The following CCDC88A variants were observed in gnomAD, a reference collection of about 807,000 sequenced individuals.
CCDC88A encodes girdin.
CCDC88A carries 54 observed loss-of-function variants against 234.3 expected under a neutral mutation model. The observed-to-expected ratio is 0.23, with a 90% CI of 0.19 to 0.29. CCDC88A has a LOEUF of 0.29. Among genes scored for constraint, CCDC88A ranks in the 10% least tolerant of loss-of-function variants. CCDC88A has a pLI of 1.00. For missense variants in CCDC88A, 1,832 were observed against 2,123.4 expected (o/e 0.86, Z 2.70); for synonymous variants, 753 against 737.8 (o/e 1.02, Z -0.33).
chr2:55,367,548 G>T (rs1672203866), intron 5 of CCDC88A, among the ~76,000 whole-genome samples: 2 of 12,692 alleles, frequency 1.6e-4, no homozygotes, highest in African/African-American at 4.0e-3. Context: ...AAGAGACTGG[G>T]TCTTGCTACG....
rs1685023001 is a variant in CCDC88A, at chr2:55,332,387, G to A, written c.2855+179C>T. ...TCCGCCCGCTTCAGCCTCCCAAAGT[G>A]CTGGGATTATAGGTGTGAGCCACCG... On this transcript the variant is annotated intron_variant, in intron 16 of 32. Coordinates refer to ENST00000436346, the MANE Select transcript of CCDC88A (RefSeq NM_001365480.1). The surrounding 1 kb of genome is among the most constrained non-coding windows in gnomAD (Gnocchi z 4.5). 3 of 1,093,602 alleles carry A rather than the reference G, an allele frequency of 2.7e-6. No individual in the cohort carries two copies. Among genetic ancestry groups the A allele is most frequent in the Non-Finnish European group, 3.5e-6 (3 of 863,324 alleles). The allele number at this position is 1,093,602 out of a possible 1,614,324, so 67.7% of individuals were successfully genotyped here.
At chr2:55,410,629 A>C (rs913612953) in intron 2 of CCDC88A, among the ~76,000 whole-genome samples, 8 of 152,200 alleles carry the variant, frequency 5.3e-5, no homozygotes, top group African/African-American at 1.9e-4. Context: ...TCACGCCTCT[A>C]ATCTCTGCAC....
chr2:55,334,318 C>T lies in CCDC88A; in HGVS notation c.2503G>A (p.Glu835Lys). 1 of 1,486,830 alleles carries T rather than the reference C, an allele frequency of 6.7e-7. No homozygotes were observed. The highest frequency in any genetic ancestry group is 8.9e-7 in the Non-Finnish European group (1 of 1,123,366). The allele number at this position is 1,486,830 out of a possible 1,614,324, so 92.1% of individuals were successfully genotyped here. A position where few individuals can be genotyped will look rare whatever the true frequency, so the allele number is the denominator to read the frequency against. Reference sequence around the variant, plus strand: ...TGTCGGAGTCTCTTATTTTCCTTCTCCAATTGTTTCTTATCCTTTTCCAGT... The same window carrying T: ...TGTCGGAGTCTCTTATTTTCCTTCTTCAATTGTTTCTTATCCTTTTCCAGT... ...SQLEKDKKQLEKENKRLRQQA... is the reference protein window; with the variant it reads ...SQLEKDKKQLKKENKRLRQQA... Residue 835 changes from glutamate (E) to lysine (K), a missense_variant, in exon 15 of 33, where the codon GAG becomes AAG. Transcript: ENST00000436346. This position sits in a 1 kb window ranked among gnomAD's most constrained non-coding sequence, Gnocchi z 6.1.
At chr2:55,417,467 A>T (rs1681685298) in intron 2 of CCDC88A, 1 of 152,064 alleles carries the variant, frequency 6.6e-6, no homozygotes, top group Non-Finnish European at 1.5e-5. Context: ...TATTTTGAGG[A>T]TAAAAAATAA....
intron 2 of CCDC88A, among the ~76,000 whole-genome samples, chr2:55,391,358 C>T: frequency 9.3e-6 from 1 of 107,608 alleles, no homozygotes; most frequent in African/African-American, 2.7e-5. Context: ...CCAGACACTC[C>T]AAAATATAAT....
At chr2:55,374,756 C>T (rs868028369) in intron 4 of CCDC88A, 58 bp downstream of exon 4, 2 of 1,032,254 alleles carry the variant, frequency 1.9e-6, no homozygotes, top group South Asian at 1.5e-5. Context: ...AAAAAATAAA[C>T]ATCATAGTAT....
chr2:55,308,812 T>C lies in CCDC88A; in HGVS notation c.4384A>G (p.Ser1462Gly). The C allele has an allele frequency of 6.2e-7, 1 of 1,612,602 alleles. No individual in the cohort carries two copies. The highest frequency in any genetic ancestry group is 1.3e-5 in the African/African-American group (1 of 75,040). ...TTTAAAGAGTTTAAGCACTCACTGC[T>C]GCTTTTCTTGGTCCCCAAGGTCTGG... is the stretch of plus-strand genomic sequence containing the variant. Reference protein sequence around the residue: ...DGQTLGTKKSSMVALKRLPFL... With the variant: ...DGQTLGTKKSGMVALKRLPFL... The change falls in exon 25 of 33, where the codon AGC becomes GGC. Residue 1462 changes from serine to glycine, a missense_variant. This residue lies in a region of CCDC88A where 1,282 missense variants were observed against 1,543.6 expected (regional missense o/e 0.83). Coordinates refer to ENST00000436346, the MANE Select transcript of CCDC88A (RefSeq NM_001365480.1).
At chr2:55,411,168 T>A (rs1015921210) in intron 2 of CCDC88A, among the ~76,000 whole-genome samples, 4 of 152,160 alleles carry the variant, frequency 2.6e-5, no homozygotes, top group African/African-American at 9.7e-5. Context: ...TTTCTGAATA[T>A]TGAAAACTTA....
intron 3 of CCDC88A, among the ~76,000 whole-genome samples, chr2:55,383,822 G>C (rs1358873883): frequency 6.6e-6 from 1 of 151,986 alleles, no homozygotes; most frequent in African/African-American, 2.4e-5. Flanking sequence ...AACTTGCAAT[G>C]TGTCATATAT....
chr2:55,343,784 A>C lies in CCDC88A; in HGVS notation c.1197T>G (p.Asp399Glu), dbSNP rs375843789. ...ATTCTTCAATCTTTTTTCTATCCAT[A>C]TCTCGTTCCTTTTTTATTGGCAAGG... The part of the protein sequence containing the change: ...AKLHDMEMER[D>E]MDRKKIEELM... The change falls in exon 12 of 33, where the codon GAT becomes GAG. Residue 399 changes from aspartate (D) to glutamate (E), a missense_variant. This residue lies in a region of CCDC88A where 1,282 missense variants were observed against 1,543.6 expected (regional missense o/e 0.83). Coordinates refer to ENST00000436346, the MANE Select transcript of CCDC88A (RefSeq NM_001365480.1). 6.2e-7 allele frequency: 1 copy of C among 1,606,292 alleles called. No individual in the cohort carries two copies. The highest frequency in any genetic ancestry group is 1.1e-5 in the South Asian group (1 of 89,148).
At chr2:55,394,457 T>C (rs1171951603) in intron 2 of CCDC88A, 1 of 152,114 alleles carries the variant, frequency 6.6e-6, no homozygotes. Flanking sequence ...AGTAATGGGA[T>C]AGCTGGGTCA....
chr2:55,365,386 T>C (rs1292551863), intron 5 of CCDC88A, among the ~76,000 whole-genome samples: 1 of 152,012 alleles, frequency 6.6e-6, no homozygotes, highest in Non-Finnish European at 1.5e-5. Context: ...ACTACCAAAA[T>C]TGTTGACCTA....
At position 55,346,231 on chromosome 2, in the gene CCDC88A, C is replaced by G. The variant is rs1669092633; in HGVS notation, c.985G>C (p.Val329Leu). The change falls in exon 10 of 33, where the codon GTC becomes CTC. Residue 329 changes from valine (V) to leucine (L), a missense_variant. Coordinates refer to ENST00000436346, the MANE Select transcript of CCDC88A (RefSeq NM_001365480.1). ...TGTAGTCTCTCTTTATATCTGCTGACTTCACTTTCAAGCTTATCGACTCTG... is the reference window on the plus strand; with the variant it reads ...TGTAGTCTCTCTTTATATCTGCTGAGTTCACTTTCAAGCTTATCGACTCTG... Reference protein sequence around the residue: ...AVRVDKLESEVSRYKERLHDI... With the variant: ...AVRVDKLESELSRYKERLHDI... 1 of 1,611,596 alleles carries G rather than the reference C, an allele frequency of 6.2e-7. No individual in the cohort carries two copies.
rs775142732 is a variant in CCDC88A, at chr2:55,299,954, C to T, written c.4745-35G>A. 30 of 1,452,026 alleles carry T rather than the reference C, an allele frequency of 2.1e-5. 1 individual carries two copies. The South Asian group carries it at 3.2e-4, about 15-fold the overall frequency. 89.9% of individuals were successfully genotyped at this position (1,452,026 alleles called of 1,614,324 possible). A position where few individuals can be genotyped will look rare whatever the true frequency, so the allele number is the denominator to read the frequency against. ...AAAACCAGGAGACAGTGTGATAAAA[C>T]TTCTAGCTGATGATGCTGATGAGCT... On this transcript the variant is annotated intron_variant, in intron 28 of 32. Coordinates refer to ENST00000436346, the MANE Select transcript of CCDC88A (RefSeq NM_001365480.1).
At chr2:55,327,035 T>G (rs969791234) in intron 17 of CCDC88A, among the ~76,000 whole-genome samples, 5 of 152,210 alleles carry the variant, frequency 3.3e-5, no homozygotes, top group Admixed American at 1.3e-4. Flanking sequence ...TAATGTGTTT[T>G]TTTTGTTTTG....
chr2:55,339,406 T>G, intron 13 of CCDC88A, 58 bp downstream of exon 13: 1 of 695,080 alleles, frequency 1.4e-6, no homozygotes, highest in Non-Finnish European at 1.9e-6. Context: ...AATGGGCTAT[T>G]TATTTACACT....
chr2:55,319,121 GCC>G (rs1683307141), intron 18 of CCDC88A, 117 bp from the exon 19 acceptor site: 1 of 768,020 alleles, frequency 1.3e-6, no homozygotes, highest in Non-Finnish European at 1.9e-6. Context: ...ATCCATAAAA[GCC>G]CCAACAATCT....
chr2:55,387,551 G>T (rs765464960), intron 3 of CCDC88A, among the ~76,000 whole-genome samples: 6 of 151,968 alleles, frequency 3.9e-5, no homozygotes, highest in Non-Finnish European at 5.9e-5. Context: ...GGAGGCTGAG[G>T]GGGGCAGATC....
rs561487761 is a variant in CCDC88A at position 55,366,706 on chromosome 2, C to G, written c.403-2673G>C. 1.4e-4 allele frequency among the ~76,000 whole-genome samples: 21 copies of G among 152,228 alleles called. No homozygotes were observed. In the Middle Eastern group the frequency reaches 0.01, roughly 74 times the overall value. ...TACCAGAGATCTTAAGCCCTTAATACTTTATTCCTCAAATTCCTCATATTT... is the reference window on the plus strand; with the variant it reads ...TACCAGAGATCTTAAGCCCTTAATAGTTTATTCCTCAAATTCCTCATATTT... On this transcript the variant is annotated intron_variant, in intron 5 of 32. Coordinates refer to ENST00000436346, the MANE Select transcript of CCDC88A (RefSeq NM_001365480.1).
Sources: allele counts gnomAD v4.1 joint callset (sites outside exome capture counted in the v4.1 genomes callset), GRCh38; gene constraint gnomAD v4.1.1; regional missense constraint gnomAD v4.1.1; non-coding constraint Gnocchi (gnomAD v3.1); transcripts MANE v1.5; gene names NCBI Gene and HGNC (gene_info 2026-07-23, HGNC 2026-07-21).